Variants in SMARCA2 observed in about 807,000 individuals in gnomAD.
SMARCA2 encodes the protein SWI/SNF-related matrix-associated actin-dependent regulator of chromatin subfamily A member 2.
A neutral mutation model predicts 199.8 loss-of-function variants in SMARCA2; 61 were observed. That is an observed-to-expected ratio of 0.31 (90% CI 0.25 to 0.38). SMARCA2 has a LOEUF of 0.38. Among genes scored for constraint, SMARCA2 ranks in the 10% least tolerant of loss-of-function variants. SMARCA2 has a pLI of 1.00. For synonymous variants in SMARCA2, 935 were observed against 732.0 expected (o/e 1.28, Z -4.48); for missense variants, 1,344 against 2,012.2 (o/e 0.67, Z 6.35).
intron 20 of SMARCA2, chr9:2,097,147 C>T (rs560441131): frequency 5.9e-6 from 3 of 504,928 alleles, no homozygotes; most frequent in African/African-American, 3.8e-5. Flanking sequence ...CCATATCCCT[C>T]ACTGGACATA....
intron 24 of SMARCA2, among the ~76,000 whole-genome samples, chr9:2,114,127 T>C (rs1319368012): frequency 6.6e-6 from 1 of 152,152 alleles, no homozygotes; most frequent in Non-Finnish European, 1.5e-5. Flanking sequence ...CTGGTGAAGA[T>C]ATGTGGAGAG....
chr9:2,096,825 A>G, intron 20 of SMARCA2, 61 bp downstream of exon 20: 1 of 986,422 alleles, frequency 1.0e-6, no homozygotes, highest in East Asian at 2.4e-5. Flanking sequence ...TGGCTGTGAC[A>G]TTGAATATTC....
chr9:2,059,505 A>G (rs1280254315), intron 8 of SMARCA2, among the ~76,000 whole-genome samples: 1 of 152,188 alleles, frequency 6.6e-6, no homozygotes, highest in Non-Finnish European at 1.5e-5. Context: ...AAGCAGTCAA[A>G]TTTGTCTGAC....
At chr9:2,049,902 A>G (rs185987047) in intron 5 of SMARCA2, among the ~76,000 whole-genome samples, 4 of 152,338 alleles carry the variant, frequency 2.6e-5, no homozygotes, top group Admixed American at 2.0e-4. Flanking sequence ...TCATCCGATC[A>G]AAGATTAGAG....
Position 2,191,424 on chromosome 9 carries a change from T to A in SMARCA2, c.4737+16T>A. The A allele has an allele frequency of 6.2e-7, 1 of 1,613,712 alleles. No homozygotes were observed. The highest frequency in any genetic ancestry group is 8.5e-7 in the Non-Finnish European group (1 of 1,179,648). On this transcript the variant is annotated intron_variant, in intron 33 of 33. Transcript: ENST00000349721. ...GGATGAACGTGTAAGTGTAGCCGAC[T>A]GGGACTGAAGGCGGAGACGCCCTCT...
At chr9:2,051,002 T>C (rs1389332379) in intron 5 of SMARCA2, among the ~76,000 whole-genome samples, 1 of 152,250 alleles carries the variant, frequency 6.6e-6, no homozygotes, top group Non-Finnish European at 1.5e-5. Context: ...AGTTATGCAG[T>C]ATTACATCTT....
At chr9:2,098,122 A>G (rs865847883) in intron 21 of SMARCA2, among the ~76,000 whole-genome samples, 10 of 152,232 alleles carry the variant, frequency 6.6e-5, no homozygotes, top group African/African-American at 2.2e-4. Context: ...TGACTGGAGC[A>G]GGAATGAAAA....
At chr9:2,038,860 G>T (rs1819450771) in intron 3 of SMARCA2, among the ~76,000 whole-genome samples, 1 of 152,102 alleles carries the variant, frequency 6.6e-6, no homozygotes, top group Non-Finnish European at 1.5e-5. Context: ...CTCAATAATT[G>T]CAAGTTATTC....
intron 27 of SMARCA2, among the ~76,000 whole-genome samples, chr9:2,155,889 C>G (rs1825335680): frequency 6.6e-6 from 1 of 151,930 alleles, no homozygotes; most frequent in African/African-American, 2.4e-5. Context: ...TCAGGGAGAA[C>G]TGGGAGTGCA....
intron 31 of SMARCA2, among the ~76,000 whole-genome samples, chr9:2,184,849 C>CCTCCCT (rs112605988): frequency 2.0e-5 from 3 of 151,048 alleles, no homozygotes; most frequent in African/African-American, 7.3e-5. Flanking sequence ...ATGGTCCCAT[C>CCTCCCT]CTCTCTCTCT....
chr9:2,037,030 C>T (rs1460636001), intron 3 of SMARCA2, among the ~76,000 whole-genome samples: 1 of 152,094 alleles, frequency 6.6e-6, no homozygotes, highest in Non-Finnish European at 1.5e-5. Context: ...TAATTTTAAG[C>T]CCTGGTCGTA....
rs1827982547 is a variant in SMARCA2, at chr9:2,192,827, C to G, written c.*88C>G. ...AGTGAGTTCATTTGTCATATAGGCA[C>G]TGGGTTGTTTCTATATCATCATCGT... On this transcript the variant is annotated 3_prime_UTR_variant, in exon 34 of 34. Coordinates refer to ENST00000349721, the MANE Select transcript of SMARCA2 (RefSeq NM_003070.5). 2.1e-6 allele frequency: 2 copies of G among 946,286 alleles called. No individual in the cohort carries two copies. The highest frequency in any genetic ancestry group is 3.6e-5 in the Admixed American group (2 of 54,952). The allele number at this position is 946,286 out of a possible 1,614,324, so 58.6% of individuals were successfully genotyped here. A position where few individuals can be genotyped will look rare whatever the true frequency, so the allele number is the denominator to read the frequency against.
At position 2,059,142 on chromosome 9, in the gene SMARCA2, CA is replaced by C. The variant is rs372892935; in HGVS notation, c.1521+679del. 2.6e-3 allele frequency among the ~76,000 whole-genome samples: 397 copies of C among 152,190 alleles called. 3 individuals are homozygous for C. The highest frequency in any genetic ancestry group is 9.1e-3 in the African/African-American group (376 of 41,498). On this transcript the variant is annotated intron_variant, in intron 8 of 33. Coordinates refer to ENST00000349721, the MANE Select transcript of SMARCA2 (RefSeq NM_003070.5). ...ACCATTTATTTTTGGAATTGGACCTCAGAGCACACTGTGGATTTTAGAAAAG... is the reference window on the plus strand; with the variant it reads ...ACCATTTATTTTTGGAATTGGACCTCGAGCACACTGTGGATTTTAGAAAAG...
At chr9:2,015,617 T>G (rs1160258369) in intron 1 of SMARCA2, among the ~76,000 whole-genome samples, 2 of 152,036 alleles carry the variant, frequency 1.3e-5, no homozygotes, top group Admixed American at 6.5e-5. Context: ...CCCGCGGGCC[T>G]CAGGTGGAAT....
intron 27 of SMARCA2, among the ~76,000 whole-genome samples, chr9:2,127,073 C>A (rs1288050907): frequency 6.6e-6 from 1 of 152,188 alleles, no homozygotes; most frequent in Non-Finnish European, 1.5e-5. Flanking sequence ...TTGAACTTTC[C>A]TCCTCCTTCA....
At chr9:2,057,809 A>G (rs971045067) in intron 7 of SMARCA2, among the ~76,000 whole-genome samples, 2 of 152,220 alleles carry the variant, frequency 1.3e-5, no homozygotes, top group Non-Finnish European at 2.9e-5. Flanking sequence ...ATATATTTAA[A>G]AAGTGGATAC....
chr9:2,152,583 G>A (rs1354520777), intron 27 of SMARCA2, among the ~76,000 whole-genome samples: 1 of 149,060 alleles, frequency 6.7e-6, no homozygotes, highest in African/African-American at 2.5e-5. Context: ...CGGGTGCATT[G>A]GCTCACACCT....
At chr9:2,101,699 G>A in intron 22 of SMARCA2, 83 bp downstream of exon 22, 1 of 685,998 alleles carries the variant, frequency 1.5e-6, no homozygotes, top group Non-Finnish European at 2.5e-6. Context: ...GTTTCCTCTT[G>A]TGCAAATACT....
At chr9:2,070,020 A>G (rs1821022529) in intron 9 of SMARCA2, among the ~76,000 whole-genome samples, 1 of 152,100 alleles carries the variant, frequency 6.6e-6, no homozygotes. Flanking sequence ...GTTGTTCTTC[A>G]TTGCTGAAGA....
Sources: allele counts gnomAD v4.1 joint callset (sites outside exome capture counted in the v4.1 genomes callset), GRCh38; gene constraint gnomAD v4.1.1; transcripts MANE v1.5; gene names NCBI Gene and HGNC (gene_info 2026-07-23, HGNC 2026-07-21).